CEP72: variants seen among roughly 807,000 people sequenced by gnomAD.
CEP72 encodes centrosomal protein of 72 kDa.
A neutral mutation model predicts 65.7 loss-of-function variants in CEP72; 78 were observed. The ratio of observed to expected loss-of-function variants is 1.19; its 90% CI spans 0.99 to 1.43. CEP72 has a LOEUF of 1.43. Among genes scored for constraint, CEP72 ranks in the 40% most tolerant of loss-of-function variants. The probability of loss-of-function intolerance (pLI) is 0.00; values close to 1 mark genes in which losing one functional copy is unlikely to be tolerated. For synonymous variants in CEP72, 358 were observed against 351.7 expected (o/e 1.02, Z -0.20); for missense variants, 914 against 832.9 (o/e 1.10, Z -1.20).
chr5:675,574 C>T, the CEP72 span, among the ~76,000 whole-genome samples: 7 of 120,132 alleles, frequency 5.8e-5, no homozygotes, highest in Non-Finnish European at 1.3e-4. Context: ...GCTGGGGGTG[C>T]GGTGTGGCCA....
downstream of CEP72, among the ~76,000 whole-genome samples, chr5:669,378 C>G (rs1012122886): frequency 2.0e-5 from 3 of 152,174 alleles, no homozygotes; most frequent in Non-Finnish European, 2.9e-5. Flanking sequence ...TGGACACCCG[C>G]ACGTTCCCTG....
In CEP72 at chr5:651,243, G is replaced by A. The variant is rs1441985446; in HGVS notation, c.1779-1745G>A. On this transcript the variant is annotated intron_variant, in intron 11 of 11. Transcript: ENST00000264935. ...GTGGACTGTGAGGTGTGACTGAGGC[G>A]TGGACTGTGAGGTGTGACTGTGAGG... Among the ~76,000 whole-genome samples, 135 of 101,728 alleles carry A rather than the reference G, an allele frequency of 1.3e-3. 8 individuals are homozygous for A. The highest frequency in any genetic ancestry group is 5.3e-3 in the African/African-American group (124 of 23,410). The allele number at this position is 101,728 out of a possible 152,430, so 66.7% of individuals were successfully genotyped here.
downstream of CEP72, among the ~76,000 whole-genome samples, chr5:659,357 C>G (rs1305723045): frequency 1.3e-5 from 2 of 152,272 alleles, no homozygotes; most frequent in African/African-American, 4.8e-5. Context: ...ACTTTCTTCA[C>G]AAACCAGACA....
chr5:621,341 C>T (rs1041693809), intron 3 of CEP72, among the ~76,000 whole-genome samples: 5 of 152,232 alleles, frequency 3.3e-5, no homozygotes, highest in Admixed American at 1.3e-4. Context: ...TCCCCCACTG[C>T]GAGTGCCCTG....
the CEP72 span, among the ~76,000 whole-genome samples, chr5:675,434 GGTGGGT>G: frequency 9.2e-6 from 1 of 108,928 alleles, no homozygotes; most frequent in African/African-American, 3.1e-5. Context: ...GGTGCAGCAC[GGTGGGT>G]GCAGTGTGGC....
the CEP72 span, among the ~76,000 whole-genome samples, chr5:672,957 C>T: frequency 2.0e-5 from 3 of 152,346 alleles, no homozygotes; most frequent in East Asian, 3.9e-4. Flanking sequence ...GCAGATACCC[C>T]GAGCTGGCGC....
intron 4 of CEP72, among the ~76,000 whole-genome samples, chr5:633,466 G>A (rs558900199): frequency 2.0e-5 from 3 of 149,876 alleles, no homozygotes; most frequent in South Asian, 2.1e-4. Context: ...GTTCAGTGCC[G>A]GGGTTTGGCC....
chr5:644,272 A>G (rs1738266770), intron 9 of CEP72, 27 bp from the exon 10 acceptor site: 4 of 1,609,030 alleles, frequency 2.5e-6, no homozygotes, highest in South Asian at 2.2e-5. Flanking sequence ...TGACTTGTGC[A>G]CTTAAGTGTA....
chr5:643,609 G>C, intron 9 of CEP72: 3 of 985,368 alleles, frequency 3.0e-6, no homozygotes, highest in South Asian at 9.4e-5. Context: ...GTGAGCTGGG[G>C]CCTGCTCAGC....
downstream of CEP72, among the ~76,000 whole-genome samples, chr5:654,232 T>C (rs541732586): frequency 6.7e-6 from 1 of 150,078 alleles, no homozygotes; most frequent in South Asian, 2.1e-4. Context: ...GCTGTGTGTG[T>C]GCTAGCTGTG....
At chr5:672,400 A>G in the CEP72 span, among the ~76,000 whole-genome samples, 2 of 152,318 alleles carry the variant, frequency 1.3e-5, no homozygotes, top group Middle Eastern at 3.4e-3. Context: ...ACGTCAGTGC[A>G]TTTACTTGGG....
intron 3 of CEP72, among the ~76,000 whole-genome samples, chr5:622,737 G>C (rs6886657): frequency 4.0e-5 from 6 of 150,470 alleles, no homozygotes; most frequent in Admixed American, 1.3e-4. Flanking sequence ...GGATGGGGCC[G>C]TGGACATTAA....
At chr5:661,398 A>T (rs1462857186), downstream of CEP72, 5 of 152,016 alleles carry the variant, frequency 3.3e-5, no homozygotes, top group Admixed American at 3.3e-4. Context: ...CCCATGACAG[A>T]ACCTGTCCCT....
At chr5:672,382 T>C in the CEP72 span, among the ~76,000 whole-genome samples, 1 of 152,238 alleles carries the variant, frequency 6.6e-6, no homozygotes, top group African/African-American at 2.4e-5. Context: ...CCCAGGTGTC[T>C]ATAGGAAACG....
At chr5:643,127 C>T in intron 9 of CEP72, 1 of 973,074 alleles carries the variant, frequency 1.0e-6, no homozygotes, top group Non-Finnish European at 1.2e-6. Flanking sequence ...AGGCAGGAGG[C>T]TCAGGAGTTG....
In CEP72 at chr5:665,389, GGT is replaced by G; in HGVS notation, n.433+66_433+67del. ...CTGTGCCCTGGGCAGGTCTCCCAGC[GGT>G]GGGGCACTGGGCAAGGGGCATAAAC... On this transcript the variant is annotated intron_variant and non_coding_transcript_variant, in intron 3 of 4. Coordinates refer to the CEP72 transcript ENST00000514507. The G allele has an allele frequency of 2.5e-6, 3 of 1,219,918 alleles. No individual in the cohort carries two copies. In the South Asian group the frequency reaches 4.2e-5, roughly 17 times the overall value. 75.6% of individuals were successfully genotyped at this position (1,219,918 alleles called of 1,614,324 possible). A position where few individuals can be genotyped will look rare whatever the true frequency, so the allele number is the denominator to read the frequency against.
chr5:668,207 CG>C (rs1740018260), downstream of CEP72, among the ~76,000 whole-genome samples: 1 of 93,220 alleles, frequency 1.1e-5, no homozygotes, highest in African/African-American at 4.2e-5. Flanking sequence ...AGGGAAGTAC[CG>C]ACAAGCACAC....
chr5:640,769 G>C (rs1373286397), intron 9 of CEP72, 165 bp downstream of exon 9: 1 of 985,340 alleles, frequency 1.0e-6, no homozygotes, highest in African/African-American at 1.7e-5. Context: ...CCGGAACGCG[G>C]CCTGCCCTGT....
chr5:675,465 G>GGTGGTGCAGTGTGGCCA, the CEP72 span, among the ~76,000 whole-genome samples: 1 of 45,448 alleles, frequency 2.2e-5, no homozygotes, highest in Non-Finnish European at 3.7e-5. Flanking sequence ...GTGCAGCACA[G>GGTGGTGCAGTGTGGCCA]GGGGTGCAGT....
Sources: gnomAD v4.1 joint callset for allele counts (sites outside exome capture counted in the v4.1 genomes callset) on GRCh38, gnomAD v4.1.1 for gene constraint, MANE v1.5 for transcripts, NCBI Gene and HGNC (gene_info 2026-07-23, HGNC 2026-07-21) for gene names.